Variants in TRAF2 observed in about 807,000 individuals in gnomAD.
The protein encoded by TRAF2 is TNF receptor-associated factor 2.
TRAF2 carries 6 observed loss-of-function variants against 55.6 expected under a neutral mutation model. The ratio of observed to expected loss-of-function variants is 0.11; its 90% confidence interval spans 0.06 to 0.21. TRAF2 has a LOEUF of 0.21. Among genes scored for constraint, TRAF2 ranks in the 10% least tolerant of loss-of-function variants. The probability of loss-of-function intolerance (pLI) is 1.00; values close to 1 mark genes in which losing one functional copy is unlikely to be tolerated. For missense variants in TRAF2, 561 were observed against 684.5 expected, an observed-to-expected ratio of 0.82 and a Z score of 2.01; for synonymous variants, 329 against 276.3, an observed-to-expected ratio of 1.19 and a Z score of -1.89.
upstream of TRAF2, chr9:136,886,267 G>A (rs12340491): frequency 1.8e-4 from 74 of 417,032 alleles, no homozygotes; most frequent in Non-Finnish European, 2.3e-4. Flanking sequence ...GGAAAAAGCA[G>A]AGGGCGACTT....
At chr9:136,902,278 G>A (rs1849839467) in intron 4 of TRAF2, 1 of 152,444 alleles carries the variant, frequency 6.6e-6, no homozygotes, top group Admixed American at 6.5e-5. Context: ...GGCTCCCTGG[G>A]GAGGTGGCCC....
At chr9:136,890,095 T>C (rs2811764) in intron 1 of TRAF2, among the ~76,000 whole-genome samples, 106,219 of 129,066 alleles carry the variant, frequency 0.82, 44,210 homozygotes, top group African/African-American at 0.9. Flanking sequence ...ACCGCACGCT[T>C]GTTCAGCCGG....
At chr9:136,919,680 T>TTCTTCCCTTCATCCCG (rs1554781935) in intron 7 of TRAF2, among the ~76,000 whole-genome samples, 17 of 148,604 alleles carry the variant, frequency 1.1e-4, no homozygotes, top group Admixed American at 4.7e-4. Context: ...TTCCCTCCCC[T>TTCTTCCCTTCATCCCG]TCTTCCCTTC....
chr9:136,896,483 C>T (rs974106933), intron 1 of TRAF2, among the ~76,000 whole-genome samples: 2 of 152,150 alleles, frequency 1.3e-5, no homozygotes, highest in East Asian at 1.9e-4. Context: ...GGTTGTGTTT[C>T]GAGTCTGTTC....
At position 136,886,537 on chromosome 9, in the gene TRAF2, G is replaced by A; in HGVS notation, c.-33G>A. ...CCTTAGTTCCGGGCGCGCTGCGACC[G>A]TTGGGTGAGGCGAGCGCGGGGTCGG... On this transcript the variant is annotated 5_prime_UTR_variant, in exon 1 of 11. Coordinates refer to ENST00000247668, the MANE Select transcript of TRAF2 (RefSeq NM_021138.4). 1.0e-6 allele frequency: 1 copy of A among 987,110 alleles called. No homozygotes were observed. Among genetic ancestry groups the A allele is most frequent in the Non-Finnish European group, 1.2e-6 (1 of 831,078 alleles). 61.1% of individuals were successfully genotyped at this position (987,110 alleles called of 1,614,324 possible).
At chr9:136,924,812 T>C (rs1039732802) in intron 10 of TRAF2, among the ~76,000 whole-genome samples, 7 of 152,002 alleles carry the variant, frequency 4.6e-5, no homozygotes, top group African/African-American at 1.4e-4. Context: ...TGATCTCGGC[T>C]CACTGCAACC....
At chr9:136,903,152 C>T (rs758800363) in intron 4 of TRAF2, among the ~76,000 whole-genome samples, 2 of 152,078 alleles carry the variant, frequency 1.3e-5, no homozygotes, top group Non-Finnish European at 1.5e-5. Context: ...GGTTTTACCA[C>T]GTTGGCCAGG....
At chr9:136,882,033 G>A, upstream of TRAF2, 1 of 985,548 alleles carries the variant, frequency 1.0e-6, no homozygotes, top group Non-Finnish European at 1.2e-6. Context: ...GGCTATTTGA[G>A]GTGGGCACTT....
chr9:136,897,599 G>A (rs1231091839), intron 1 of TRAF2, among the ~76,000 whole-genome samples: 1 of 151,016 alleles, frequency 6.6e-6, no homozygotes. Flanking sequence ...GGGGCTGGAG[G>A]GGAACCCGTG....
chr9:136,920,738 G>GC (rs1850365010), intron 8 of TRAF2, among the ~76,000 whole-genome samples: 1 of 152,206 alleles, frequency 6.6e-6, no homozygotes, highest in South Asian at 2.1e-4. Flanking sequence ...TAGAGGCCAG[G>GC]CCGTGGGCAG....
At chr9:136,888,156 C>T (rs979382563) in intron 1 of TRAF2, among the ~76,000 whole-genome samples, 1 of 152,300 alleles carries the variant, frequency 6.6e-6, no homozygotes. Context: ...CAGGCATGAG[C>T]CACCGCGCCC....
At chr9:136,918,025 A>C (rs533387537) in intron 7 of TRAF2, among the ~76,000 whole-genome samples, 9 of 151,958 alleles carry the variant, frequency 5.9e-5, no homozygotes, top group African/African-American at 1.9e-4. Context: ...CACCCACCCC[A>C]GGCTCAGCCA....
intron 1 of TRAF2, among the ~76,000 whole-genome samples, chr9:136,893,791 G>A (rs557410937): frequency 7.9e-5 from 12 of 151,930 alleles, no homozygotes; most frequent in Admixed American, 1.3e-4. Context: ...ACTGCAATGC[G>A]CAGGCTGGAG....
Position 136,921,782 on chromosome 9 carries a change from G to A in TRAF2, c.1138+567G>A, listed in dbSNP as rs17244201. Among the ~76,000 whole-genome samples the A allele has an allele frequency of 5.2e-3, 785 of 152,224 alleles. 14 individuals carry two copies. The highest frequency in any genetic ancestry group is 0.018 in the African/African-American group (751 of 41,506). On this transcript the variant is annotated intron_variant, in intron 9 of 10. Coordinates refer to ENST00000247668, the MANE Select transcript of TRAF2 (RefSeq NM_021138.4). The stretch of plus-strand genomic sequence containing the variant: ...TGGAGGGCACTGCTGGAGAGGGGGT[G>A]GGGTGGTGGCTGCCCAGCTGCAGGC...
chr9:136,922,988 G>C lies in TRAF2; in HGVS notation c.1139-864G>C, dbSNP rs576134566. 1.7e-4 allele frequency among the ~76,000 whole-genome samples: 26 copies of C among 152,274 alleles called. No individual in the cohort carries two copies. In the South Asian group the frequency reaches 5.4e-3, roughly 32 times the overall value. ...CGGTGGAGGACGAGGACGGAAGGGT[G>C]GTCCTGGTGCTGCCACAGTGGGGTC... On this transcript the variant is annotated intron_variant, in intron 9 of 10. Transcript: ENST00000247668.
chr9:136,914,167 A>G (rs571337598), intron 6 of TRAF2, among the ~76,000 whole-genome samples: 1 of 152,136 alleles, frequency 6.6e-6, no homozygotes, highest in Admixed American at 6.5e-5. Flanking sequence ...GGCACCCTTT[A>G]TCAGATGAGG....
chr9:136,897,795 C>G lies in TRAF2; in HGVS notation c.-28-918C>G, dbSNP rs1449268823. Among the ~76,000 whole-genome samples the G allele has an allele frequency of 2.9e-5, 4 of 136,338 alleles. No individual in the cohort carries two copies. In the East Asian group the frequency reaches 6.8e-4, roughly 23 times the overall value. The allele number at this position is 136,338 out of a possible 152,430, so 89.4% of individuals were successfully genotyped here. A position where few individuals can be genotyped will look rare whatever the true frequency, so the allele number is the denominator to read the frequency against. On this transcript the variant is annotated intron_variant, in intron 1 of 10. Coordinates refer to ENST00000247668, the MANE Select transcript of TRAF2 (RefSeq NM_021138.4). ...AGTGCACTAGCCAGCTCCAGGTGTG[C>G]TACGTTCCGCTCTCGGGGCTGGAGG...
At chr9:136,888,920 C>T (rs1849513400) in intron 1 of TRAF2, among the ~76,000 whole-genome samples, 1 of 151,734 alleles carries the variant, frequency 6.6e-6, no homozygotes, top group Non-Finnish European at 1.5e-5. Flanking sequence ...GGCTGGAGTG[C>T]AGTGGCACGA....
intron 6 of TRAF2, among the ~76,000 whole-genome samples, chr9:136,911,220 A>AC (rs1471755851): frequency 1.3e-5 from 2 of 151,150 alleles, no homozygotes; most frequent in Non-Finnish European, 2.9e-5. Context: ...ATCACTGTGA[A>AC]CACGGGGCTT....
Sources: allele counts gnomAD v4.1 joint callset (sites outside exome capture counted in the v4.1 genomes callset), GRCh38; gene constraint gnomAD v4.1.1; transcripts MANE v1.5; gene names NCBI Gene and HGNC (gene_info 2026-07-23, HGNC 2026-07-21).